The following BPIFB2 variants were observed in gnomAD, a reference collection of about 807,000 sequenced individuals.
BPIFB2 encodes BPI fold-containing family B member 2.
Under a neutral mutation model 50.1 loss-of-function variants are expected in BPIFB2, and 39 were observed. The ratio of observed to expected loss-of-function variants is 0.78; its 90% CI spans 0.60 to 1.02. The LOEUF is 1.02. Ranked by LOEUF, BPIFB2 falls within the 50% of genes least tolerant of loss-of-function variation. The pLI is 0.00. For missense variants in BPIFB2, 574 were observed against 585.8 expected (o/e 0.98, Z 0.21); for synonymous variants, 280 against 256.3 (o/e 1.09, Z -0.88).
At chr20:33,008,804 G>T (rs1245152873) in intron 2 of BPIFB2, 121 bp downstream of exon 2, 4 of 812,552 alleles carry the variant, frequency 4.9e-6, no homozygotes, top group Non-Finnish European at 7.5e-6. Flanking sequence ...ATTGGAAGTT[G>T]TGTCCCTGGC....
chr20:33,020,522 T>G lies in BPIFB2; in HGVS notation c.1149-20T>G. The G allele has an allele frequency of 5.6e-6, 9 of 1,602,986 alleles. No individual in the cohort carries two copies. The highest frequency in any genetic ancestry group is 7.7e-6 in the Non-Finnish European group (9 of 1,173,194). On this transcript the variant is annotated intron_variant, in intron 12 of 15. Coordinates refer to ENST00000170150, the MANE Select transcript of BPIFB2 (RefSeq NM_025227.3). ...GGGAGGTGCCAGACCCTGTCCTGAA[T>G]TCTCCTGCTTCTCTTTCAGGGATGT...
rs1256489119 is a variant in BPIFB2 at position 33,008,640 on chromosome 20, G to A, written c.66G>A (p.Thr22=). The change falls in exon 2 of 16, where the codon ACG becomes ACA. Residue 22 remains threonine, a synonymous_variant. Coordinates refer to ENST00000170150, the MANE Select transcript of BPIFB2 (RefSeq NM_025227.3). The stretch of plus-strand genomic sequence containing the variant: ...TGCTGCCCGTGGTCGGTGCCTCCAC[G>A]CCAGGCACCGTGGTCCGACTCAACA... ...ALLLPVVGAS[T]PGTVVRLNKA... 1.3e-5 allele frequency: 21 copies of A among 1,607,618 alleles called. No individual in the cohort carries two copies. The highest frequency in any genetic ancestry group is 2.2e-5 in the South Asian group (2 of 89,642).
intron 4 of BPIFB2, 132 bp from the exon 5 acceptor site, chr20:33,013,678 C>G: frequency 7.5e-7 from 1 of 1,331,902 alleles, no homozygotes; most frequent in Non-Finnish European, 1.0e-6. Flanking sequence ...GGCCATCTCA[C>G]TCTGGGAGTG....
chr20:33,019,218 G>C, intron 10 of BPIFB2, 103 bp downstream of exon 10: 1 of 1,429,696 alleles, frequency 7.0e-7, no homozygotes, highest in Non-Finnish European at 9.8e-7. Context: ...CCCAAGTGAA[G>C]TTCAGCATCT....
chr20:33,019,406 C>A (rs1447233372), intron 10 of BPIFB2, among the ~76,000 whole-genome samples, 174 bp from the exon 11 acceptor site: 1 of 152,154 alleles, frequency 6.6e-6, no homozygotes, highest in African/African-American at 2.4e-5. Context: ...GATCCAACCC[C>A]CTCGTCTTGT....
chr20:33,017,152 G>T lies in BPIFB2; in HGVS notation c.577+50G>T, dbSNP rs371707177. 41 of 1,571,812 alleles carry T rather than the reference G, an allele frequency of 2.6e-5. 1 individual carries two copies. Among genetic ancestry groups the T allele is most frequent in the East Asian group, 2.0e-4 (9 of 44,692 alleles). On this transcript the variant is annotated intron_variant, in intron 7 of 15. Coordinates refer to ENST00000170150, the MANE Select transcript of BPIFB2 (RefSeq NM_025227.3). ...GGGCTGGGGCCTCTGGGACCCCCTG[G>T]AGCCCCTAGAACCCTCCAAAGGCTC...
intron 3 of BPIFB2, 53 bp downstream of exon 3, chr20:33,011,170 C>T (rs1167827210): frequency 2.7e-5 from 42 of 1,557,386 alleles, no homozygotes; most frequent in East Asian, 1.4e-4. Context: ...GTGGAGTGTT[C>T]CTGCTTGCCA....
intron 9 of BPIFB2, 112 bp downstream of exon 9, chr20:33,018,934 C>A (rs1017076219): frequency 1.9e-6 from 3 of 1,565,890 alleles, no homozygotes; most frequent in East Asian, 2.3e-5. Context: ...CTGAAGCTGG[C>A]GCCACAGGGT....
rs761009860 is a variant in BPIFB2 at position 33,019,671 on chromosome 20, C to G, written c.1001C>G (p.Thr334Ser). The G allele has an allele frequency of 8.7e-6, 14 of 1,612,830 alleles. No homozygotes were observed. Among genetic ancestry groups the G allele is most frequent in the Non-Finnish European group, 1.2e-5 (14 of 1,179,532 alleles). ...GCCATGCTCCACACAAACAACGCCA[C>G]CCTGCGGCTGCAGCCCTTCGTGGAG... ...PVAMLHTNNA[T>S]LRLQPFVEVL... is the part of the protein sequence containing the mutation. Residue 334 changes from threonine to serine, a missense_variant, in exon 11 of 16, where the codon ACC becomes AGC. Physicochemically the swap from Thr to Ser is moderately conservative, Grantham distance 58. Transcript: ENST00000170150.
intron 15 of BPIFB2, among the ~76,000 whole-genome samples, 193 bp from the exon 16 acceptor site, chr20:33,023,149 T>A (rs1218412165): frequency 6.6e-6 from 1 of 152,150 alleles, no homozygotes; most frequent in Non-Finnish European, 1.5e-5. Flanking sequence ...ATCCTCACAG[T>A]GACCTTGTGA....
At chr20:33,011,766 A>G (rs1188701359) in intron 3 of BPIFB2, among the ~76,000 whole-genome samples, 5 of 152,246 alleles carry the variant, frequency 3.3e-5, no homozygotes, top group Middle Eastern at 3.4e-3. Context: ...ATCACCTGAG[A>G]TCAGGAGTTC....
At position 33,013,888 on chromosome 20, in the gene BPIFB2, C is replaced by A. The variant is rs550393332; in HGVS notation, c.387C>A (p.Thr129=). Residue 129 remains threonine (T), a synonymous_variant, in exon 5 of 16, where the codon ACC becomes ACA. Transcript: ENST00000170150. Reference sequence around the variant, plus strand: ...GCGTGACCCAGAGCTCCATCAGGACCCCTGTGGTCAGCATCTCTGCCTGCT... The same window carrying A: ...GCGTGACCCAGAGCTCCATCAGGACACCTGTGGTCAGCATCTCTGCCTGCT... The part of the protein sequence containing the change: ...DTRVTQSSIR[T]PVVSISACSL... The A allele has an allele frequency of 1.2e-6, 2 of 1,614,160 alleles. No homozygotes were observed. Among genetic ancestry groups the A allele is most frequent in the East Asian group, 4.5e-5 (2 of 44,884 alleles).
rs1439840855 is a variant in BPIFB2, at chr20:33,019,650, T to C, written c.980T>C (p.Met327Thr). The change falls in exon 11 of 16, where the codon ATG (methionine) becomes ACG (threonine). Residue 327 changes from methionine (M) to threonine (T), a missense_variant. Physicochemically the swap from Met to Thr is moderately conservative, Grantham distance 81 (BLOSUM62 -1). Coordinates refer to ENST00000170150, the MANE Select transcript of BPIFB2 (RefSeq NM_025227.3). ...KVRLGATPVAMLHTNNATLRL... is the reference protein window; with the variant it reads ...KVRLGATPVATLHTNNATLRL... ...CGGCTGGGTGCCACACCTGTGGCCATGCTCCACACAAACAACGCCACCCTG... is the reference window on the plus strand; with the variant it reads ...CGGCTGGGTGCCACACCTGTGGCCACGCTCCACACAAACAACGCCACCCTG... 1 of 1,612,674 alleles carries C rather than the reference T, an allele frequency of 6.2e-7. No individual in the cohort carries two copies.
At position 33,023,422 on chromosome 20, in the gene BPIFB2, C is replaced by A. The variant is rs1222065728; in HGVS notation, c.*39C>A. 6.2e-7 allele frequency: 1 copy of A among 1,602,752 alleles called. No individual in the cohort carries two copies. Among genetic ancestry groups the A allele is most frequent in the African/African-American group, 1.3e-5 (1 of 74,674 alleles). ...GGAGGCCTGAGAGTGGGCCAGCTCG[C>A]TGCTCAGGCGAATTTCTCATTTCAA... On this transcript the variant is annotated 3_prime_UTR_variant, in exon 16 of 16. Coordinates refer to ENST00000170150, the MANE Select transcript of BPIFB2 (RefSeq NM_025227.3).
In BPIFB2 at chr20:33,023,403, C is replaced by T. The variant is rs749753925; in HGVS notation, c.*20C>T. ...AGCTGAGGCAAGACCACTGGGAGGC[C>T]TGAGAGTGGGCCAGCTCGCTGCTCA... is the stretch of plus-strand genomic sequence containing the variant. On this transcript the variant is annotated 3_prime_UTR_variant, in exon 16 of 16. Coordinates refer to ENST00000170150, the MANE Select transcript of BPIFB2 (RefSeq NM_025227.3). The T allele has an allele frequency of 1.6e-5, 26 of 1,613,024 alleles. No individual in the cohort carries two copies. Among genetic ancestry groups the T allele is most frequent in the African/African-American group, 2.7e-5 (2 of 74,904 alleles).
intron 2 of BPIFB2, among the ~76,000 whole-genome samples, chr20:33,008,885 C>G (rs565530145): frequency 2.0e-5 from 3 of 152,164 alleles, no homozygotes; most frequent in Non-Finnish European, 4.4e-5. Context: ...GGGGGGAGTA[C>G]GTCATGTGGC....
intron 2 of BPIFB2, 39 bp from the exon 3 acceptor site, chr20:33,010,985 C>T: frequency 1.3e-6 from 2 of 1,571,748 alleles, no homozygotes; most frequent in Non-Finnish European, 1.8e-6. Context: ...TTGGTGGTTC[C>T]CGAGGGCACC....
chr20:33,019,863 G>T (rs1484062283), intron 11 of BPIFB2, 113 bp downstream of exon 11: 2 of 1,304,838 alleles, frequency 1.5e-6, no homozygotes, highest in African/African-American at 1.5e-5. Context: ...GCTGTTCCTT[G>T]AATGTGTCAG....
intron 15 of BPIFB2, 92 bp from the exon 16 acceptor site, chr20:33,023,250 G>A: frequency 7.8e-7 from 1 of 1,288,114 alleles, no homozygotes. Flanking sequence ...CAGCAAGAAT[G>A]GCAGAGCAGA....
Sources: gnomAD v4.1 joint callset for allele counts (sites outside exome capture counted in the v4.1 genomes callset) on GRCh38, gnomAD v4.1.1 for gene constraint, MANE v1.5 for transcripts, NCBI Gene and HGNC (gene_info 2026-07-23, HGNC 2026-07-21) for gene names.